The following XYLT1 variants were observed in gnomAD, a reference collection of about 807,000 sequenced individuals.
XYLT1 encodes the protein xylosyltransferase 1, also known as beta-D-xylosyltransferase 1.
Under a neutral mutation model 91.3 loss-of-function variants are expected in XYLT1, and 36 were observed. That is an observed-to-expected ratio of 0.39 (90% CI 0.30 to 0.52). XYLT1 has a LOEUF of 0.52. Among genes scored for constraint, XYLT1 ranks in the 20% least tolerant of loss-of-function variants. The pLI, the probability that XYLT1 is intolerant of heterozygous loss-of-function variation, is 0.68. For synonymous variants in XYLT1, 588 were observed against 532.0 expected (o/e 1.11, Z -1.45); for missense variants, 1,242 against 1,284.5 (o/e 0.97, Z 0.51).
At chr16:17,141,498 T>C (rs2030973986) in intron 6 of XYLT1, 129 bp from the exon 7 acceptor site, 1 of 880,300 alleles carries the variant, frequency 1.1e-6, no homozygotes, top group Non-Finnish European at 1.7e-6. Flanking sequence ...TGCCAGGTAC[T>C]GCTCCAGGGC....
chr16:17,159,455 C>T (rs2141541622), intron 5 of XYLT1, among the ~76,000 whole-genome samples: 1 of 152,316 alleles, frequency 6.6e-6, no homozygotes, highest in South Asian at 2.1e-4. Flanking sequence ...GTATCACCAG[C>T]TGAAAGCACT....
At chr16:17,422,466 T>C (rs546477097) in intron 1 of XYLT1, among the ~76,000 whole-genome samples, 2 of 152,208 alleles carry the variant, frequency 1.3e-5, no homozygotes, top group East Asian at 3.9e-4. Flanking sequence ...CTCAAAGTGC[T>C]AGGATTACAG....
At chr16:17,338,408 T>C (rs1231728281) in intron 2 of XYLT1, 1 of 456,404 alleles carries the variant, frequency 2.2e-6, no homozygotes, top group East Asian at 6.9e-5. Flanking sequence ...CTCTTTTACA[T>C]CTGACACTTT....
chr16:17,291,192 G>T (rs2034219850), intron 2 of XYLT1, among the ~76,000 whole-genome samples: 3 of 152,204 alleles, frequency 2.0e-5, no homozygotes, highest in Admixed American at 2.0e-4. Flanking sequence ...TTGTAGAGAA[G>T]AGGTTTTGCC....
chr16:17,231,241 A>T (rs554693098), intron 3 of XYLT1, among the ~76,000 whole-genome samples: 1 of 152,350 alleles, frequency 6.6e-6, no homozygotes, highest in East Asian at 1.9e-4. Flanking sequence ...TCCTTTGTTT[A>T]GGCAATAATC....
chr16:17,112,042 C>G (rs1966842360), intron 11 of XYLT1, among the ~76,000 whole-genome samples: 1 of 152,138 alleles, frequency 6.6e-6, no homozygotes, highest in Non-Finnish European at 1.5e-5. Context: ...GATACCGAAA[C>G]TGACAAAAGG....
intron 8 of XYLT1, among the ~76,000 whole-genome samples, chr16:17,136,657 G>C (rs553235937): frequency 6.6e-6 from 1 of 151,662 alleles, no homozygotes; most frequent in African/African-American, 2.4e-5. Context: ...CTGCGATTCC[G>C]ACCATAGCTG....
chr16:17,308,567 C>G (rs1469162428), intron 2 of XYLT1, among the ~76,000 whole-genome samples: 1 of 152,172 alleles, frequency 6.6e-6, no homozygotes, highest in African/African-American at 2.4e-5. Context: ...AAGACGGAAA[C>G]TGTATTTGCA....
chr16:17,375,503 C>CACACACACACACACAG (rs1186558257), intron 1 of XYLT1, among the ~76,000 whole-genome samples: 100 of 151,948 alleles, frequency 6.6e-4, no homozygotes, highest in African/African-American at 2.4e-3. Flanking sequence ...CACACACACA[C>CACACACACACACACAG]AGAAAAGATT....
rs559824949 is a variant in XYLT1 at position 17,194,513 on chromosome 16, G to A, written c.1289+3699C>T. On this transcript the variant is annotated intron_variant, in intron 5 of 11. Coordinates refer to ENST00000261381, the MANE Select transcript of XYLT1 (RefSeq NM_022166.4). Reference sequence around the variant, plus strand: ...AGAGAAGGAAGAATGTGGGAACTTTGAGCACAGCCCCTAAGACTGAGGAAC... The same window carrying A: ...AGAGAAGGAAGAATGTGGGAACTTTAAGCACAGCCCCTAAGACTGAGGAAC... 4.6e-5 allele frequency among the ~76,000 whole-genome samples: 7 copies of A among 152,336 alleles called. 1 individual carries two copies. The South Asian group carries it at 1.5e-3, about 32-fold the overall frequency.
intron 3 of XYLT1, among the ~76,000 whole-genome samples, chr16:17,219,297 A>G (rs1329949949): frequency 1.1e-4 from 15 of 137,646 alleles, no homozygotes; most frequent in African/African-American, 2.4e-4. Flanking sequence ...AAAAAAAAAA[A>G]AAAAGAAAAA....
Position 17,263,588 on chromosome 16 carries a change from CAG to C in XYLT1, c.403-4092_403-4091del, listed in dbSNP as rs559415403. ...GATACTAGATCGCTTCCAGAAAAGT[CAG>C]AGAGAGGCGCAGTCAGCGAGAATTG... On this transcript the variant is annotated intron_variant, in intron 2 of 11. Coordinates refer to ENST00000261381, the MANE Select transcript of XYLT1 (RefSeq NM_022166.4). Among the ~76,000 whole-genome samples, 5 of 151,978 alleles carry C rather than the reference CAG, an allele frequency of 3.3e-5. No homozygotes were observed. The East Asian group carries it at 5.8e-4, about 18-fold the overall frequency.
rs114500236 is a variant in XYLT1 at position 17,200,444 on chromosome 16, A to G, written c.1086+38T>C. The G allele has an allele frequency of 1.6e-3, 2,596 of 1,594,712 alleles. 42 individuals carry two copies. The African/African-American group carries it at 0.03, about 18-fold the overall frequency. On this transcript the variant is annotated intron_variant, in intron 4 of 11. Coordinates refer to ENST00000261381, the MANE Select transcript of XYLT1 (RefSeq NM_022166.4). ...TCAGGGAGGGACGGACAGACCCCGA[A>G]GAAAGCCCAGCAAGGGGTGATCACA...
In XYLT1 at chr16:17,138,402, C is replaced by T. The variant is rs147101412; in HGVS notation, c.1717G>A (p.Gly573Ser). The T allele has an allele frequency of 7.9e-5, 127 of 1,614,084 alleles. No individual in the cohort carries two copies. The highest frequency in any genetic ancestry group is 9.3e-5 in the African/African-American group (7 of 75,018). Residue 573 changes from glycine (G) to serine (S), a missense_variant, in exon 8 of 12, where the codon GGC (glycine) becomes AGC (serine). Physicochemically the swap from Gly to Ser is moderately conservative, Grantham distance 56. Coordinates refer to ENST00000261381, the MANE Select transcript of XYLT1 (RefSeq NM_022166.4). The stretch of plus-strand genomic sequence containing the variant: ...GGCTTGAAGTCATTGGGGGAGCAGC[C>T]GCACCAGTCCACGATGTGCTTGTAC... ...CQYKHIVDWC[G>S]CSPNDFKPQD...
At chr16:17,215,295 G>A (rs1212496649) in intron 3 of XYLT1, among the ~76,000 whole-genome samples, 1 of 152,198 alleles carries the variant, frequency 6.6e-6, no homozygotes. Context: ...GGCAGACGTT[G>A]CACCACTGCA....
At chr16:17,127,988 G>T in intron 9 of XYLT1, 127 bp from the exon 10 acceptor site, 1 of 764,214 alleles carries the variant, frequency 1.3e-6, no homozygotes, top group Non-Finnish European at 2.0e-6. Flanking sequence ...TGTTTTCCTT[G>T]CGTCCTCTGT....
intron 6 of XYLT1, among the ~76,000 whole-genome samples, chr16:17,151,483 AC>A (rs1317782533): frequency 6.6e-6 from 1 of 152,110 alleles, no homozygotes; most frequent in African/African-American, 2.4e-5. Context: ...CTGTCTCGCC[AC>A]CTATGAGCTG....
chr16:17,239,997 T>C lies in XYLT1; in HGVS notation c.913+18991A>G, dbSNP rs2033321320. ...GGTGTAAGTAGTGAAAAAAAATATT[T>C]AGAACCTGCCCTCCTGGATCTTTTA... On this transcript the variant is annotated intron_variant, in intron 3 of 11. Transcript: ENST00000261381. 2.6e-5 allele frequency among the ~76,000 whole-genome samples: 4 copies of C among 152,342 alleles called. No individual in the cohort carries two copies. In the South Asian group the frequency reaches 8.3e-4, roughly 32 times the overall value.
chr16:17,274,414 T>C (rs1164337111), intron 2 of XYLT1, among the ~76,000 whole-genome samples: 2 of 152,136 alleles, frequency 1.3e-5, no homozygotes, highest in African/African-American at 2.4e-5. Flanking sequence ...CACAGGTTTA[T>C]TCATTCCACA....
Sources: gnomAD v4.1 joint callset for allele counts (sites outside exome capture counted in the v4.1 genomes callset) on GRCh38, gnomAD v4.1.1 for gene constraint, MANE v1.5 for transcripts, NCBI Gene and HGNC (gene_info 2026-07-23, HGNC 2026-07-21) for gene names.